Variants in EDC3 observed in about 807,000 individuals in gnomAD.
The protein encoded by EDC3 is enhancer of mRNA-decapping protein 3.
In EDC3, 20 loss-of-function variants were observed where a neutral mutation model predicts 41.8. That is an observed-to-expected ratio of 0.48 (90% CI 0.34 to 0.70). The LOEUF (loss-of-function observed/expected upper bound fraction) is 0.70. Ranked by LOEUF, EDC3 falls within the 30% of genes least tolerant of loss-of-function variation. EDC3 has a pLI of 0.01. For missense variants in EDC3, 444 were observed against 636.8 expected (o/e 0.70, Z 3.26); for synonymous variants, 206 against 243.2 (o/e 0.85, Z 1.42).
At chr15:74,692,512 G>C (rs964469741) in intron 1 of EDC3, among the ~76,000 whole-genome samples, 8 of 151,936 alleles carry the variant, frequency 5.3e-5, no homozygotes, top group Non-Finnish European at 1.0e-4. Context: ...CATTTTATGA[G>C]GTCATAATTA....
intron 4 of EDC3, among the ~76,000 whole-genome samples, chr15:74,647,007 C>CTT (rs573421456): frequency 3.6e-4 from 48 of 134,238 alleles, no homozygotes; most frequent in South Asian, 2.4e-3. Flanking sequence ...CTTTCCAGAC[C>CTT]TTTTTTTTTT....
Position 74,632,997 on chromosome 15 carries a change from C to T in EDC3, c.1193-51G>A. On this transcript the variant is annotated intron_variant, in intron 6 of 6. Coordinates refer to ENST00000315127, the MANE Select transcript of EDC3 (RefSeq NM_025083.5). The surrounding 1 kb of genome is among the most constrained non-coding windows in gnomAD (Gnocchi z 4.0). The stretch of plus-strand genomic sequence containing the variant: ...AAAGTCCCTATGAGCAGAGAGCAGC[C>T]CAGGCTGGGACTAGGGCCCAGGTCA... 2 of 1,582,374 alleles carry T rather than the reference C, an allele frequency of 1.3e-6. No individual in the cohort carries two copies. Among genetic ancestry groups the T allele is most frequent in the Non-Finnish European group, 8.6e-7 (1 of 1,159,674 alleles).
At chr15:74,670,573 G>A (rs888985554) in intron 3 of EDC3, among the ~76,000 whole-genome samples, 3 of 152,168 alleles carry the variant, frequency 2.0e-5, no homozygotes, top group Non-Finnish European at 2.9e-5. Context: ...GGGATTACAG[G>A]CATGCACCTC....
rs745568902 is a variant in EDC3 at position 74,640,608 on chromosome 15, C to A, written c.832G>T (p.Val278Phe). The change falls in exon 5 of 7, where the codon GTT becomes TTT. Residue 278 changes from valine (V) to phenylalanine (F), a missense_variant. Coordinates refer to ENST00000315127, the MANE Select transcript of EDC3 (RefSeq NM_025083.5). ...SKEFCTDSGL[V>F]VPSISYELHK... ...AGCTCATAGGAAATACTTGGGACAA[C>A]CAGGCCAGAGTCTGCAGTTCAAAAG... 11 of 1,614,056 alleles carry A rather than the reference C, an allele frequency of 6.8e-6. No homozygotes were observed. In the South Asian group the frequency reaches 1.1e-4, roughly 16 times the overall value.
At chr15:74,656,976 T>A (rs1002658575) in intron 3 of EDC3, among the ~76,000 whole-genome samples, 1 of 152,202 alleles carries the variant, frequency 6.6e-6, no homozygotes, top group Non-Finnish European at 1.5e-5. Context: ...CCACTGACTG[T>A]CCCCTTTTCA....
Position 74,671,547 on chromosome 15 carries a change from G to T in EDC3, c.392C>A (p.Ser131Tyr). ...CTTTGAGCACTGTTGCTGCTGCGGG[G>T]AAACGGCAACATCCTGGCTCTTCAC... is the stretch of plus-strand genomic sequence containing the variant. ...TDVKSQDVAV[S>Y]PQQQQCSKSY... The change falls in exon 3 of 7, where the codon TCC becomes TAC. Residue 131 changes from serine (S) to tyrosine (Y), a missense_variant. By Grantham distance (144) the Ser-to-Tyr change is moderately radical. Transcript: ENST00000315127. The surrounding 1 kb of genome is among the most constrained non-coding windows in gnomAD (Gnocchi z 4.6). 3 of 1,614,196 alleles carry T rather than the reference G, an allele frequency of 1.9e-6. No individual in the cohort carries two copies. In the South Asian group the frequency reaches 3.3e-5, roughly 18 times the overall value.
intron 1 of EDC3, among the ~76,000 whole-genome samples, chr15:74,678,925 T>G (rs1393424795): frequency 6.7e-6 from 1 of 149,130 alleles, no homozygotes; most frequent in Non-Finnish European, 1.5e-5. Flanking sequence ...GCACAGTGGT[T>G]CACACCTGTA....
intron 3 of EDC3, among the ~76,000 whole-genome samples, chr15:74,664,475 G>C (rs2062656202): frequency 6.6e-6 from 1 of 152,274 alleles, no homozygotes; most frequent in African/African-American, 2.4e-5. Flanking sequence ...CCTTTGGCCA[G>C]GACAACTTGT....
intron 4 of EDC3, among the ~76,000 whole-genome samples, chr15:74,653,016 C>T (rs2062500171): frequency 6.6e-6 from 1 of 152,036 alleles, no homozygotes; most frequent in Non-Finnish European, 1.5e-5. Flanking sequence ...CTCGTCTCTA[C>T]TAAACATACA....
intron 6 of EDC3, among the ~76,000 whole-genome samples, chr15:74,633,750 G>A (rs746655225): frequency 3.2e-4 from 49 of 152,196 alleles, no homozygotes; most frequent in Non-Finnish European, 5.7e-4. Context: ...GGCAGCAAGA[G>A]GAAGAACTGC....
chr15:74,677,198 G>C (rs927921821), intron 1 of EDC3, among the ~76,000 whole-genome samples: 1 of 151,784 alleles, frequency 6.6e-6, no homozygotes, highest in Admixed American at 6.6e-5. Context: ...GAGTAGCTGG[G>C]ATTACAGGCA....
At chr15:74,652,360 T>C (rs1056045653) in intron 4 of EDC3, among the ~76,000 whole-genome samples, 2 of 152,036 alleles carry the variant, frequency 1.3e-5, no homozygotes, top group Admixed American at 1.3e-4. Context: ...CCCAAGTAGC[T>C]GGGACTACAG....
Position 74,632,372 on chromosome 15 carries a change from G to T in EDC3, c.*240C>A. 3.5e-6 allele frequency: 2 copies of T among 572,952 alleles called. No homozygotes were observed. The highest frequency in any genetic ancestry group is 6.2e-6 in the Non-Finnish European group (2 of 321,678). 35.5% of individuals were successfully genotyped at this position (572,952 alleles called of 1,614,324 possible). A position where few individuals can be genotyped will look rare whatever the true frequency, so the allele number is the denominator to read the frequency against. On this transcript the variant is annotated 3_prime_UTR_variant, in exon 7 of 7. Coordinates refer to ENST00000315127, the MANE Select transcript of EDC3 (RefSeq NM_025083.5). The surrounding 1 kb of genome is among the most constrained non-coding windows in gnomAD (Gnocchi z 4.0). ...CCACCTGGCCGTGCAGGGGGCTGAG[G>T]GTAGAGATGCCTGGAGTTGCTGCAC...
chr15:74,651,490 A>T (rs1236735293), intron 4 of EDC3, among the ~76,000 whole-genome samples: 1 of 152,226 alleles, frequency 6.6e-6, no homozygotes, highest in African/African-American at 2.4e-5. Flanking sequence ...TGCCAAGAGG[A>T]GTATGAGCAA....
intron 3 of EDC3, among the ~76,000 whole-genome samples, chr15:74,657,870 C>G (rs910967600): frequency 6.6e-6 from 1 of 152,154 alleles, no homozygotes; most frequent in Non-Finnish European, 1.5e-5. Flanking sequence ...GATCTCTTTT[C>G]TCAGAATTTT....
intron 3 of EDC3, among the ~76,000 whole-genome samples, chr15:74,669,511 CA>C (rs58880243): frequency 1.4e-3 from 192 of 135,834 alleles, no homozygotes; most frequent in Middle Eastern, 3.7e-3. Context: ...GGCTCCATCT[CA>C]AAAAAAAAAA....
intron 3 of EDC3, among the ~76,000 whole-genome samples, chr15:74,661,375 TA>T (rs2062618162): frequency 6.6e-6 from 1 of 152,190 alleles, no homozygotes; most frequent in Non-Finnish European, 1.5e-5. Context: ...CTGCAAACTA[TA>T]GCTCATGGGC....
chr15:74,675,670 C>A (rs777669943), intron 1 of EDC3, among the ~76,000 whole-genome samples: 5 of 148,696 alleles, frequency 3.4e-5, no homozygotes, highest in Non-Finnish European at 5.9e-5. Flanking sequence ...CACGAGGTCA[C>A]GAGATCAAGA....
At chr15:74,676,068 C>G (rs999276942) in intron 1 of EDC3, among the ~76,000 whole-genome samples, 1 of 152,016 alleles carries the variant, frequency 6.6e-6, no homozygotes, top group African/African-American at 2.4e-5. Context: ...CTACCCACAA[C>G]AGAATTAAAT....
Sources: gnomAD v4.1 joint callset for allele counts (sites outside exome capture counted in the v4.1 genomes callset) on GRCh38, gnomAD v4.1.1 for gene constraint, Gnocchi (gnomAD v3.1) non-coding constraint, MANE v1.5 for transcripts, NCBI Gene and HGNC (gene_info 2026-07-23, HGNC 2026-07-21) for gene names.